The following RSBN1 variants were observed in gnomAD, a reference collection of about 807,000 sequenced individuals.
RSBN1 encodes the protein round spermatid basic protein 1.
In RSBN1, 23 loss-of-function variants were observed where a neutral mutation model predicts 74.8. The ratio of observed to expected loss-of-function variants is 0.31; its 90% CI spans 0.22 to 0.44. RSBN1 has a LOEUF of 0.44. Ranked by LOEUF, RSBN1 falls within the 20% of genes least tolerant of loss-of-function variation. The pLI is 1.00. For synonymous variants in RSBN1, 407 were observed against 379.6 expected, an observed-to-expected ratio of 1.07 and a Z score of -0.84; for missense variants, 808 against 1,020.9, an observed-to-expected ratio of 0.79 and a Z score of 2.84.
In RSBN1 at chr1:113,777,280, T is replaced by A. The variant is rs767411744; in HGVS notation, c.1588A>T (p.Met530Leu). 1 of 1,613,668 alleles carries A rather than the reference T, an allele frequency of 6.2e-7. No individual in the cohort carries two copies. The highest frequency in any genetic ancestry group is 8.5e-7 in the Non-Finnish European group (1 of 1,179,628). ...CRSQSDDGPI[M>L]WVRPGEQMIP... is the part of the protein sequence containing the mutation. ...ATCTGTTCTCCTGGCCTTACCCACA[T>A]TATAGGCCCATCATCACTCTGGGAC... is the stretch of plus-strand genomic sequence containing the variant. The change falls in exon 4 of 7, where the codon ATG (methionine) becomes TTG (leucine). Residue 530 changes from methionine to leucine, a missense_variant. Transcript: ENST00000261441.
intron 1 of RSBN1, among the ~76,000 whole-genome samples, chr1:113,808,712 A>C (rs1242077697): frequency 6.6e-6 from 1 of 152,224 alleles, no homozygotes; most frequent in Non-Finnish European, 1.5e-5. Flanking sequence ...GGCAATCTCC[A>C]AAGATCACAT....
chr1:113,788,086 G>C (rs1660286704), intron 2 of RSBN1, among the ~76,000 whole-genome samples: 1 of 151,970 alleles, frequency 6.6e-6, no homozygotes, highest in Non-Finnish European at 1.5e-5. Flanking sequence ...TATTAAAAAA[G>C]GGACAGAGAA....
At position 113,791,075 on chromosome 1, in the gene RSBN1, C is replaced by T. The variant is rs576793506; in HGVS notation, c.1377+6288G>A. On this transcript the variant is annotated intron_variant, in intron 2 of 6. Transcript: ENST00000261441. ...GGAGGAACAAACAGAATTGGGAGGA[C>T]TGGAGGGAGGTAAGTACGAGACCAA... 4.5e-4 allele frequency among the ~76,000 whole-genome samples: 68 copies of T among 152,054 alleles called. 1 individual carries two copies. The South Asian group carries it at 0.014, about 30-fold the overall frequency.
intron 2 of RSBN1, among the ~76,000 whole-genome samples, chr1:113,781,391 G>A (rs114404006): frequency 0.017 from 2,656 of 152,210 alleles, 47 homozygotes; most frequent in Non-Finnish European, 0.025. Context: ...CAAATTCAAG[G>A]AATGCTTTGC....
intron 1 of RSBN1, among the ~76,000 whole-genome samples, chr1:113,802,896 T>C (rs1221913581): frequency 2.0e-5 from 3 of 152,188 alleles, no homozygotes; most frequent in African/African-American, 7.2e-5. Flanking sequence ...TTCACTCTTG[T>C]TGTACATTCT....
intron 1 of RSBN1, among the ~76,000 whole-genome samples, chr1:113,808,640 G>A (rs1184438429): frequency 6.6e-6 from 1 of 152,144 alleles, no homozygotes; most frequent in Non-Finnish European, 1.5e-5. Flanking sequence ...CCATACCATG[G>A]AACACTATTC....
intron 1 of RSBN1, among the ~76,000 whole-genome samples, chr1:113,803,595 A>T (rs1010967019): frequency 6.6e-6 from 1 of 152,230 alleles, no homozygotes; most frequent in Non-Finnish European, 1.5e-5. Context: ...TGAAGTACTT[A>T]TAATAGTCCT....
At position 113,812,303 on chromosome 1, in the gene RSBN1, GC is replaced by G. The variant is rs560555537; in HGVS notation, c.109del (p.Ala37ArgfsTer22). 34 of 1,603,778 alleles carry G rather than the reference GC, an allele frequency of 2.1e-5. No individual in the cohort carries two copies. The East Asian group carries it at 3.6e-4, about 17-fold the overall frequency. On this transcript the variant is annotated frameshift_variant, in exon 1 of 7. Coordinates refer to ENST00000261441, the MANE Select transcript of RSBN1 (RefSeq NM_018364.5). LOFTEE classifies it high-confidence loss of function. ...AALARCADGG[A>X]VGPFKCVFVG... ...AAACACACATTTAAATGGCCCGACC[GC>G]CCCCCCGTCCGCGCATCGCGCAAGC...
At chr1:113,778,897 A>G (rs1242656379) in intron 2 of RSBN1, among the ~76,000 whole-genome samples, 2 of 152,218 alleles carry the variant, frequency 1.3e-5, no homozygotes, top group African/African-American at 4.8e-5. Flanking sequence ...CCTATCTAGC[A>G]TCTGAATGGA....
In RSBN1 at chr1:113,765,923, CTA is replaced by C. The variant is rs1034994092; in HGVS notation, c.*55_*56del. 5 of 1,331,948 alleles carry C rather than the reference CTA, an allele frequency of 3.8e-6. No individual in the cohort carries two copies. In the Admixed American group the frequency reaches 6.3e-5, roughly 17 times the overall value. The allele number at this position is 1,331,948 out of a possible 1,614,324, so 82.5% of individuals were successfully genotyped here. A position where few individuals can be genotyped will look rare whatever the true frequency, so the allele number is the denominator to read the frequency against. ...AACTTAACTTAAGCCAGTTATAAAA[CTA>C]TAACTTCACATCAAAATTTAAAAAA... On this transcript the variant is annotated 3_prime_UTR_variant, in exon 7 of 7. Transcript: ENST00000261441.
intron 1 of RSBN1, among the ~76,000 whole-genome samples, chr1:113,807,008 C>A (rs1356203438): frequency 6.6e-6 from 1 of 151,554 alleles, no homozygotes; most frequent in East Asian, 1.9e-4. Context: ...GTGAGACCCT[C>A]CCCAAAAAAA....
At chr1:113,802,746 C>G (rs1440222255) in intron 1 of RSBN1, among the ~76,000 whole-genome samples, 1 of 151,420 alleles carries the variant, frequency 6.6e-6, no homozygotes, top group Non-Finnish European at 1.5e-5. Context: ...GAACTATAAC[C>G]ACACCTGGCT....
At position 113,762,957 on chromosome 1, in the gene RSBN1, ACCAG is replaced by A. The variant is rs1476556066; in HGVS notation, c.*3019_*3022del. On this transcript the variant is annotated 3_prime_UTR_variant, in exon 7 of 7. Coordinates refer to ENST00000261441, the MANE Select transcript of RSBN1 (RefSeq NM_018364.5). ...TCTTTCACTAAAAAATAATAAAAGT[ACCAG>A]TTAAACAAATTCTAAGTACTGAATA... 1 of 152,798 alleles carries A rather than the reference ACCAG, an allele frequency of 6.5e-6. No individual in the cohort carries two copies. The highest frequency in any genetic ancestry group is 1.5e-5 in the Non-Finnish European group (1 of 68,030). 9.5% of individuals were successfully genotyped at this position (152,798 alleles called of 1,614,324 possible). A position where few individuals can be genotyped will look rare whatever the true frequency, so the allele number is the denominator to read the frequency against.
intron 1 of RSBN1, among the ~76,000 whole-genome samples, 191 bp downstream of exon 1, chr1:113,811,519 G>A (rs976119755): frequency 6.6e-6 from 1 of 152,224 alleles, no homozygotes; most frequent in Non-Finnish European, 1.5e-5. Context: ...GCTCGGCCTC[G>A]GAGCGAGAAG....
intron 2 of RSBN1, among the ~76,000 whole-genome samples, chr1:113,786,869 T>C (rs973446285): frequency 2.6e-5 from 4 of 152,142 alleles, no homozygotes; most frequent in Non-Finnish European, 4.4e-5. Flanking sequence ...TTTCTAAATT[T>C]TCTATCTTGC....
chr1:113,788,033 G>C (rs1325587015), intron 2 of RSBN1, among the ~76,000 whole-genome samples: 1 of 152,010 alleles, frequency 6.6e-6, no homozygotes, highest in Non-Finnish European at 1.5e-5. Flanking sequence ...ATTAGTATCA[G>C]AGAGATGAAA....
intron 1 of RSBN1, among the ~76,000 whole-genome samples, chr1:113,802,005 A>T (rs1558004114): frequency 6.6e-6 from 1 of 151,092 alleles, no homozygotes; most frequent in Admixed American, 6.6e-5. Flanking sequence ...TCCAGGCTGG[A>T]GGGCAGTGGC....
chr1:113,772,352 C>T lies in RSBN1; in HGVS notation c.1659-3963G>A, dbSNP rs141703932. 1.8e-3 allele frequency among the ~76,000 whole-genome samples: 278 copies of T among 151,750 alleles called. 1 individual carries two copies. The highest frequency in any genetic ancestry group is 6.3e-3 in the African/African-American group (260 of 41,368). On this transcript the variant is annotated intron_variant, in intron 4 of 6. Coordinates refer to ENST00000261441, the MANE Select transcript of RSBN1 (RefSeq NM_018364.5). ...ATAAAAACATGACATGTATATCATA[C>T]ATATATGCAACTATTATATACACAA...
In RSBN1 at chr1:113,811,873, C is replaced by A; in HGVS notation, c.540G>T (p.Ala180=). Residue 180 remains alanine, a synonymous_variant, in exon 1 of 7, where the codon GCG becomes GCT. Coordinates refer to ENST00000261441, the MANE Select transcript of RSBN1 (RefSeq NM_018364.5). ...LFTFSPLTVS[A]AGPKHKGHKE... is the part of the protein sequence containing the mutation. ...TGTGGCCCTTATGCTTGGGCCCGGCCGCGCTCACCGTCAGAGGCGAGAAGG... is the reference window on the plus strand; with the variant it reads ...TGTGGCCCTTATGCTTGGGCCCGGCAGCGCTCACCGTCAGAGGCGAGAAGG... The A allele has an allele frequency of 1.2e-6, 2 of 1,613,124 alleles. No individual in the cohort carries two copies. Among genetic ancestry groups the A allele is most frequent in the Non-Finnish European group, 1.7e-6 (2 of 1,179,756 alleles).
Sources: gnomAD v4.1 joint callset for allele counts (sites outside exome capture counted in the v4.1 genomes callset) on GRCh38, gnomAD v4.1.1 for gene constraint, MANE v1.5 for transcripts, NCBI Gene and HGNC (gene_info 2026-07-23, HGNC 2026-07-21) for gene names.